The following SLC12A6 variants were observed in gnomAD, a reference collection of about 807,000 sequenced individuals.
SLC12A6 encodes the protein K-Cl cotransporter 3.
In SLC12A6, 66 loss-of-function variants were observed where a neutral mutation model predicts 135.3. That is an observed-to-expected ratio of 0.49 (90% CI 0.40 to 0.60). The LOEUF (loss-of-function observed/expected upper bound fraction) is 0.60, where lower values mean the gene tolerates loss of function less well. Among genes scored for constraint, SLC12A6 ranks in the 20% least tolerant of loss-of-function variants. The probability of loss-of-function intolerance (pLI) is 0.00; values close to 1 mark genes in which losing one functional copy is unlikely to be tolerated. For missense variants in SLC12A6, 1,058 were observed against 1,452.3 expected, an observed-to-expected ratio of 0.73 and a Z score of 4.41; for synonymous variants, 513 against 508.8, an observed-to-expected ratio of 1.01 and a Z score of -0.11.
intron 3 of SLC12A6, among the ~76,000 whole-genome samples, chr15:34,267,097 A>G (rs539002739): frequency 6.6e-6 from 1 of 150,806 alleles, no homozygotes; most frequent in African/African-American, 2.5e-5. Context: ...ATTTTACTAT[A>G]TATCTTAAAT....
intron 2 of SLC12A6, among the ~76,000 whole-genome samples, chr15:34,294,320 C>T (rs1895736900): frequency 1.3e-5 from 2 of 152,086 alleles, no homozygotes; most frequent in South Asian, 2.1e-4. Flanking sequence ...GCAAACTCCA[C>T]CTCCCTGGTT....
At chr15:34,316,376 A>G (rs970855324) in intron 2 of SLC12A6, among the ~76,000 whole-genome samples, 1 of 152,194 alleles carries the variant, frequency 6.6e-6, no homozygotes, top group African/African-American at 2.4e-5. Flanking sequence ...TGTTATCTTC[A>G]AAAATATTTT....
At chr15:34,263,426 G>A (rs934060487) in intron 3 of SLC12A6, among the ~76,000 whole-genome samples, 1 of 152,000 alleles carries the variant, frequency 6.6e-6, no homozygotes, top group Non-Finnish European at 1.5e-5. Flanking sequence ...AGGTTTGTGG[G>A]GGAGTTGAAA....
rs1218702689 is a variant in SLC12A6 at position 34,322,978 on chromosome 15, CAAAAAAAAAAA to C, written c.271+13421_271+13431del. ...TGGGCGACAGAGTGAAACTCTGTCT[CAAAAAAAAAAA>C]AAAAAAAAAAAAAAGGAAAGAAAGA... On this transcript the variant is annotated intron_variant, in intron 2 of 25. Transcript: ENST00000354181. 1.5e-4 allele frequency among the ~76,000 whole-genome samples: 6 copies of C among 39,016 alleles called. No homozygotes were observed. In the Admixed American group the frequency reaches 1.9e-3, roughly 12 times the overall value. The allele number at this position is 39,016 out of a possible 152,430, so 25.6% of individuals were successfully genotyped here. A position where few individuals can be genotyped will look rare whatever the true frequency, so the allele number is the denominator to read the frequency against.
rs1192515582 is a variant in SLC12A6, at chr15:34,236,105, T to C, written c.3137A>G (p.His1046Arg). The C allele has an allele frequency of 6.2e-7, 1 of 1,613,658 alleles. No individual in the cohort carries two copies. The highest frequency in any genetic ancestry group is 8.5e-7 in the Non-Finnish European group (1 of 1,179,508). ...GTACTTGTCTTTTGTCCAAGTCATG[T>C]GCACCTTCTCCTGATAGGTTTCTGT... The part of the protein sequence containing the change: ...EETETYQEKV[H>R]MTWTKDKYMA... The change falls in exon 24 of 26, where the codon CAC becomes CGC. Residue 1046 changes from histidine (H) to arginine (R), a missense_variant. Transcript: ENST00000354181.
At chr15:34,236,614 T>C (rs1166203384) in intron 23 of SLC12A6, 94 bp downstream of exon 23, 10 of 842,602 alleles carry the variant, frequency 1.2e-5, no homozygotes, top group Non-Finnish European at 2.1e-5. Flanking sequence ...AGTGCTGGGA[T>C]TACAGGCGTG....
intron 2 of SLC12A6, among the ~76,000 whole-genome samples, chr15:34,328,823 C>T (rs921069435): frequency 2.6e-5 from 4 of 152,128 alleles, no homozygotes; most frequent in Non-Finnish European, 5.9e-5. Flanking sequence ...TTCAAGACTG[C>T]AGTGTACTAC....
intron 10 of SLC12A6, 39 bp downstream of exon 10, chr15:34,252,119 TATTTTCCCCAGA>T: frequency 1.1e-6 from 1 of 915,418 alleles, no homozygotes; most frequent in South Asian, 1.4e-5. Flanking sequence ...TGACAAGGCC[TATTTTCCCCAGA>T]AAATAGGAAA....
At chr15:34,256,990 A>G (rs902465124) in intron 6 of SLC12A6, among the ~76,000 whole-genome samples, 5 of 152,226 alleles carry the variant, frequency 3.3e-5, no homozygotes, top group Admixed American at 1.3e-4. Flanking sequence ...TTAAGTTATT[A>G]AAAATATGAA....
chr15:34,264,706 CT>C (rs1345545822), intron 3 of SLC12A6, among the ~76,000 whole-genome samples: 2 of 152,014 alleles, frequency 1.3e-5, no homozygotes, highest in Admixed American at 1.3e-4. Flanking sequence ...CTGGAATTTT[CT>C]TTAAAACAGT....
chr15:34,297,147 A>G (rs961529170), intron 2 of SLC12A6, among the ~76,000 whole-genome samples: 1 of 152,140 alleles, frequency 6.6e-6, no homozygotes, highest in African/African-American at 2.4e-5. Context: ...ATCTCTTCAA[A>G]TGTTGCTAAT....
At chr15:34,322,687 T>G (rs114653044) in intron 2 of SLC12A6, among the ~76,000 whole-genome samples, 4,211 of 151,728 alleles carry the variant, frequency 0.028, 198 homozygotes, top group African/African-American at 0.097. Context: ...CTTGAAAATT[T>G]TCATAATAGG....
chr15:34,239,214 C>A, intron 19 of SLC12A6, 54 bp from the exon 20 acceptor site: 1 of 1,289,446 alleles, frequency 7.8e-7, no homozygotes, highest in Admixed American at 1.7e-5. Flanking sequence ...GACATTTTAA[C>A]CCATTGTTCC....
chr15:34,322,208 C>T (rs1285674595), intron 2 of SLC12A6, among the ~76,000 whole-genome samples: 2 of 152,074 alleles, frequency 1.3e-5, no homozygotes, highest in African/African-American at 2.4e-5. Context: ...CAGGGAGAAA[C>T]ATTGTCTCTA....
chr15:34,294,254 A>T (rs546680939), intron 2 of SLC12A6, among the ~76,000 whole-genome samples: 11 of 152,218 alleles, frequency 7.2e-5, no homozygotes, highest in Non-Finnish European at 1.6e-4. Flanking sequence ...CCACCTTGAG[A>T]CGGAGTCTTG....
At chr15:34,283,664 TTAGG>T (rs1397434348) in intron 2 of SLC12A6, among the ~76,000 whole-genome samples, 2 of 151,934 alleles carry the variant, frequency 1.3e-5, no homozygotes, top group South Asian at 2.1e-4. Context: ...AGAGGGTAAA[TTAGG>T]TAGGCACTAC....
intron 21 of SLC12A6, 23 bp downstream of exon 21, chr15:34,238,209 A>T (rs766488231): frequency 1.4e-6 from 2 of 1,478,562 alleles, no homozygotes; most frequent in Non-Finnish European, 1.9e-6. Context: ...AGACTTTTGT[A>T]AAAAAAAAGT....
In SLC12A6 at chr15:34,242,219, G is replaced by A. The variant is rs1263013951; in HGVS notation, c.2045C>T (p.Ala682Val). 6.3e-7 allele frequency: 1 copy of A among 1,598,556 alleles called. No homozygotes were observed. Among genetic ancestry groups the A allele is most frequent in the Non-Finnish European group, 8.6e-7 (1 of 1,166,432 alleles). Residue 682 changes from alanine (A) to valine (V), a missense_variant and splice_region_variant, in exon 17 of 26, where the codon GCC becomes GTC. This residue lies in a region of SLC12A6 where 170 missense variants were observed against 297.6 expected (regional missense o/e 0.57). Transcript: ENST00000354181. ...GATACTCATTCCCATGAAAGAAAGG[G>A]CCCTAGAAAATTAAAAACAAAAAAG... ...WRPRFRYYHWALSFMGMSICL... is the reference protein window; with the variant it reads ...WRPRFRYYHWVLSFMGMSICL...
intron 3 of SLC12A6, among the ~76,000 whole-genome samples, chr15:34,272,078 G>A (rs1204632074): frequency 2.0e-5 from 3 of 151,908 alleles, no homozygotes; most frequent in Non-Finnish European, 4.4e-5. Context: ...TGGTTCAAGC[G>A]ATTCTCCTGC....
Sources: allele counts gnomAD v4.1 joint callset (sites outside exome capture counted in the v4.1 genomes callset), GRCh38; gene constraint gnomAD v4.1.1; regional missense constraint gnomAD v4.1.1; transcripts MANE v1.5; gene names NCBI Gene and HGNC (gene_info 2026-07-23, HGNC 2026-07-21).